KDM4B: variants seen among roughly 807,000 people sequenced by gnomAD.
KDM4B encodes the protein lysine-specific demethylase 4B.
A neutral mutation model predicts 125.2 loss-of-function variants in KDM4B; 32 were observed. That is an observed-to-expected ratio of 0.26 (90% CI 0.19 to 0.34). The LOEUF (loss-of-function observed/expected upper bound fraction) is 0.34, where lower values mean the gene tolerates loss of function less well. Among genes scored for constraint, KDM4B ranks in the 10% least tolerant of loss-of-function variants. The probability of loss-of-function intolerance (pLI) is 1.00; values close to 1 mark genes in which losing one functional copy is unlikely to be tolerated. For synonymous variants in KDM4B, 721 were observed against 677.9 expected (o/e 1.06, Z -0.99); for missense variants, 1,190 against 1,577.7 (o/e 0.75, Z 4.16).
chr19:4,984,696 G>A (rs2034769169), intron 1 of KDM4B, among the ~76,000 whole-genome samples: 1 of 152,192 alleles, frequency 6.6e-6, no homozygotes. Flanking sequence ...GGCTTGGGGT[G>A]TGTCTGTGGG....
rs2034259060 is a variant in KDM4B at position 4,971,543 on chromosome 19, C to T, written c.-109+2313C>T. Among the ~76,000 whole-genome samples the T allele has an allele frequency of 6.6e-6, 1 of 152,140 alleles. No individual in the cohort carries two copies. Among genetic ancestry groups the T allele is most frequent in the Non-Finnish European group, 1.5e-5 (1 of 68,006 alleles). On this transcript the variant is annotated intron_variant, in intron 1 of 22. Transcript: ENST00000159111. The surrounding 1 kb of genome is among the most constrained non-coding windows in gnomAD (Gnocchi z 4.1). ...TCCATCTGACACCTGTGGGGACGTG[C>T]CTTGGGGTCATGCGTTCACCTGGTC... is the stretch of plus-strand genomic sequence containing the variant.
chr19:5,036,595 C>T (rs1416310348), intron 3 of KDM4B, among the ~76,000 whole-genome samples: 4 of 152,258 alleles, frequency 2.6e-5, no homozygotes, highest in Admixed American at 2.0e-4. Flanking sequence ...CTATACCACC[C>T]GCCGGCATCT....
intron 9 of KDM4B, among the ~76,000 whole-genome samples, chr19:5,102,019 G>T (rs1358011223): frequency 6.6e-6 from 1 of 152,180 alleles, no homozygotes; most frequent in African/African-American, 2.4e-5. Flanking sequence ...GTGCCAGGAG[G>T]GGTCGGGTGC....
intron 1 of KDM4B, among the ~76,000 whole-genome samples, chr19:4,993,618 G>GT (rs918991186): frequency 5.2e-4 from 77 of 146,712 alleles, no homozygotes; most frequent in Admixed American, 1.6e-3. Context: ...TTTTTTGTTT[G>GT]TTTTTTTTTT....
At chr19:4,983,771 C>A (rs545827954) in intron 1 of KDM4B, among the ~76,000 whole-genome samples, 2 of 152,290 alleles carry the variant, frequency 1.3e-5, no homozygotes, top group East Asian at 3.9e-4. Flanking sequence ...TAGCCACAGG[C>A]GGCTTCAAAG....
At chr19:5,139,886 T>C (rs942305158) in intron 18 of KDM4B, among the ~76,000 whole-genome samples, 17 of 152,244 alleles carry the variant, frequency 1.1e-4, no homozygotes, top group Admixed American at 1.1e-3. Flanking sequence ...TGGGGGCTTG[T>C]GAAGCTTCCT....
At chr19:5,120,014 T>A (rs2039331412) in intron 11 of KDM4B, among the ~76,000 whole-genome samples, 162 bp downstream of exon 11, 1 of 152,160 alleles carries the variant, frequency 6.6e-6, no homozygotes. Context: ...ATAGACATCG[T>A]AAGGTGGAGG....
At position 5,135,906 on chromosome 19, in the gene KDM4B, C is replaced by T. The variant is rs753188152; in HGVS notation, c.2308+345C>T. On this transcript the variant is annotated intron_variant, in intron 15 of 22. Transcript: ENST00000159111. Reference sequence around the variant, plus strand: ...TGCTGGCCTCTGGTGCCAGCCTCTGCGGAGGAAGCCTCTGCTCCAAGGGGC... The same window carrying T: ...TGCTGGCCTCTGGTGCCAGCCTCTGTGGAGGAAGCCTCTGCTCCAAGGGGC... 1.2e-4 allele frequency among the ~76,000 whole-genome samples: 19 copies of T among 152,326 alleles called. 1 individual carries two copies. The highest frequency in any genetic ancestry group is 3.4e-3 in the Middle Eastern group (1 of 294).
At chr19:4,999,564 A>C (rs749052249) in intron 1 of KDM4B, among the ~76,000 whole-genome samples, 12 of 152,140 alleles carry the variant, frequency 7.9e-5, no homozygotes, top group Non-Finnish European at 1.2e-4. Context: ...CAGAGCTGGG[A>C]AGTAGATGTG....
At chr19:5,007,845 G>A (rs113871813) in intron 1 of KDM4B, among the ~76,000 whole-genome samples, 4 of 152,080 alleles carry the variant, frequency 2.6e-5, no homozygotes, top group Non-Finnish European at 4.4e-5. Flanking sequence ...GAGCTGCCAT[G>A]ACCAGCCAAG....
intron 2 of KDM4B, among the ~76,000 whole-genome samples, chr19:5,023,129 G>A (rs1325817162): frequency 3.3e-5 from 5 of 152,234 alleles, no homozygotes; most frequent in Non-Finnish European, 7.3e-5. Context: ...CATGAGAGGA[G>A]GCAGGAGGGT....
At chr19:4,999,447 G>A (rs1467478339) in intron 1 of KDM4B, among the ~76,000 whole-genome samples, 1 of 152,048 alleles carries the variant, frequency 6.6e-6, no homozygotes, top group Non-Finnish European at 1.5e-5. Context: ...CAATCTCCAA[G>A]GAGCCCTGGT....
chr19:4,989,845 G>T (rs1406636134), intron 1 of KDM4B, among the ~76,000 whole-genome samples: 1 of 152,178 alleles, frequency 6.6e-6, no homozygotes, highest in African/African-American at 2.4e-5. Flanking sequence ...TAGAGATAGG[G>T]TTTCACCTTG....
At chr19:5,086,199 C>A (rs77092728) in intron 9 of KDM4B, among the ~76,000 whole-genome samples, 48 of 151,996 alleles carry the variant, frequency 3.2e-4, no homozygotes, top group Middle Eastern at 6.8e-3. Flanking sequence ...CCTGCCCCCC[C>A]CCACCCCGTT....
In KDM4B at chr19:5,135,217, C is replaced by A. The variant is rs946600225; in HGVS notation, c.2086-122C>A. On this transcript the variant is annotated intron_variant, in intron 14 of 22. Coordinates refer to ENST00000159111, the MANE Select transcript of KDM4B (RefSeq NM_015015.3). ...GAGGTGGCTCTGGCCATCTCCCCGA[C>A]CTCCCCCTCCAGAGCCAGGGGGTGT... 3 of 649,482 alleles carry A rather than the reference C, an allele frequency of 4.6e-6. No individual in the cohort carries two copies. The African/African-American group carries it at 5.5e-5, about 12-fold the overall frequency. The allele number at this position is 649,482 out of a possible 1,614,324, so 40.2% of individuals were successfully genotyped here. A position where few individuals can be genotyped will look rare whatever the true frequency, so the allele number is the denominator to read the frequency against.
intron 22 of KDM4B, 70 bp downstream of exon 22, chr19:5,150,520 A>G: frequency 8.7e-7 from 1 of 1,146,770 alleles, no homozygotes; most frequent in Non-Finnish European, 1.3e-6. Flanking sequence ...GGCAGGGCAC[A>G]GACTGCGTCT....
At chr19:5,031,502 C>A (rs1204329931) in intron 2 of KDM4B, among the ~76,000 whole-genome samples, 1 of 152,250 alleles carries the variant, frequency 6.6e-6, no homozygotes, top group Non-Finnish European at 1.5e-5. Flanking sequence ...GCGGGCAGGG[C>A]CTCAGCCCAC....
chr19:5,089,135 A>G (rs1216070495), intron 9 of KDM4B, among the ~76,000 whole-genome samples: 1 of 152,190 alleles, frequency 6.6e-6, no homozygotes, highest in Non-Finnish European at 1.5e-5. Flanking sequence ...CCACTCTGTG[A>G]ATACACAAGC....
At chr19:5,131,795 C>T in intron 12 of KDM4B, 92 bp from the exon 13 acceptor site, 1 of 1,532,690 alleles carries the variant, frequency 6.5e-7, no homozygotes, top group South Asian at 1.1e-5. Flanking sequence ...GAGACTCAGG[C>T]CTCAGGCACG....
Sources: allele counts gnomAD v4.1 joint callset (sites outside exome capture counted in the v4.1 genomes callset), GRCh38; gene constraint gnomAD v4.1.1; non-coding constraint Gnocchi (gnomAD v3.1); transcripts MANE v1.5; gene names NCBI Gene and HGNC (gene_info 2026-07-23, HGNC 2026-07-21).